CCDC148: variants seen among roughly 807,000 people sequenced by gnomAD.
CCDC148 encodes coiled-coil domain containing 148.
A neutral mutation model predicts 85.7 loss-of-function variants in CCDC148; 89 were observed. The observed-to-expected ratio is 1.04, with a 90% CI of 0.87 to 1.24. The LOEUF is 1.24. Ranked by LOEUF, CCDC148 falls within the 50% of genes most tolerant of loss-of-function variation. The probability of loss-of-function intolerance (pLI) is 0.00; values close to 1 mark genes in which losing one functional copy is unlikely to be tolerated. For synonymous variants in CCDC148, 230 were observed against 213.9 expected, an observed-to-expected ratio of 1.08 and a Z score of -0.66; for missense variants, 692 against 671.7, an observed-to-expected ratio of 1.03 and a Z score of -0.33.
intron 9 of CCDC148, among the ~76,000 whole-genome samples, chr2:158,261,415 C>T (rs1166713227): frequency 6.6e-6 from 1 of 151,954 alleles, no homozygotes; most frequent in Non-Finnish European, 1.5e-5. Flanking sequence ...CCATAAAATC[C>T]CTGGAAGACA....
At chr2:158,421,829 G>A (rs938263016) in intron 1 of CCDC148, among the ~76,000 whole-genome samples, 2 of 151,996 alleles carry the variant, frequency 1.3e-5, no homozygotes, top group African/African-American at 4.8e-5. Context: ...CAACAAAATT[G>A]ATAGACCACT....
intron 2 of CCDC148, among the ~76,000 whole-genome samples, chr2:158,357,014 A>T (rs1384403485): frequency 2.0e-5 from 3 of 149,284 alleles, no homozygotes; most frequent in African/African-American, 5.0e-5. Context: ...TCTCACTCAT[A>T]GGTGGGAACT....
intron 7 of CCDC148, among the ~76,000 whole-genome samples, chr2:158,321,188 A>C (rs1655593982): frequency 6.6e-6 from 1 of 152,198 alleles, no homozygotes; most frequent in African/African-American, 2.4e-5. Flanking sequence ...AAGAGTATAA[A>C]ACCATAAAGT....
At chr2:158,438,194 T>C (rs1021408734) in intron 1 of CCDC148, among the ~76,000 whole-genome samples, 3 of 152,136 alleles carry the variant, frequency 2.0e-5, no homozygotes, top group African/African-American at 2.4e-5. Context: ...AGAACAAAGC[T>C]GGAGGCATCA....
intron 1 of CCDC148, among the ~76,000 whole-genome samples, chr2:158,369,893 T>G (rs1684365808): frequency 6.6e-6 from 1 of 152,158 alleles, no homozygotes; most frequent in Non-Finnish European, 1.5e-5. Flanking sequence ...GATGTTGAAT[T>G]TTATCGAAGG....
At chr2:158,367,864 A>G (rs1398473315) in intron 1 of CCDC148, among the ~76,000 whole-genome samples, 1 of 152,170 alleles carries the variant, frequency 6.6e-6, no homozygotes, top group Non-Finnish European at 1.5e-5. Flanking sequence ...AACTGATTTC[A>G]TTGTAATGTT....
At chr2:158,371,003 T>C (rs1336757096) in intron 1 of CCDC148, among the ~76,000 whole-genome samples, 1 of 152,010 alleles carries the variant, frequency 6.6e-6, no homozygotes, top group African/African-American at 2.4e-5. Flanking sequence ...TACTACTTTA[T>C]GATTGAGCAT....
chr2:158,195,015 G>T (rs1018535802), intron 11 of CCDC148, among the ~76,000 whole-genome samples: 1 of 151,584 alleles, frequency 6.6e-6, no homozygotes, highest in East Asian at 1.9e-4. Flanking sequence ...TGCTTGTCTC[G>T]CTGGGATCAA....
chr2:158,221,904 G>A (rs950313729), intron 10 of CCDC148, among the ~76,000 whole-genome samples: 2 of 152,092 alleles, frequency 1.3e-5, no homozygotes, highest in Admixed American at 6.5e-5. Context: ...GAGAGAGAGG[G>A]TGGGTGCAGG....
intron 10 of CCDC148, among the ~76,000 whole-genome samples, chr2:158,238,141 T>G (rs1181637897): frequency 1.3e-5 from 2 of 151,994 alleles, no homozygotes. Context: ...GAAGAGGGCA[T>G]GTGGGATCAA....
At chr2:158,387,590 T>C (rs1243207311) in intron 1 of CCDC148, among the ~76,000 whole-genome samples, 1 of 152,090 alleles carries the variant, frequency 6.6e-6, no homozygotes, top group Non-Finnish European at 1.5e-5. Context: ...GCTACAATAT[T>C]CCATGGCAGA....
chr2:158,390,250 T>C (rs1685250139), intron 1 of CCDC148, among the ~76,000 whole-genome samples: 1 of 152,088 alleles, frequency 6.6e-6, no homozygotes, highest in Admixed American at 6.6e-5. Context: ...GGAAGGGGAT[T>C]CTCTGAGAAA....
chr2:158,257,587 CT>C (rs1246835439), intron 9 of CCDC148, among the ~76,000 whole-genome samples: 2 of 151,788 alleles, frequency 1.3e-5, no homozygotes, highest in Admixed American at 1.3e-4. Context: ...AAAATTTTGT[CT>C]TTATTCTTGG....
At chr2:158,357,730 T>C (rs1683734867) in intron 2 of CCDC148, among the ~76,000 whole-genome samples, 1 of 152,084 alleles carries the variant, frequency 6.6e-6, no homozygotes, top group Non-Finnish European at 1.5e-5. Flanking sequence ...TTTGAAATAA[T>C]AACAATTGCC....
intron 12 of CCDC148, among the ~76,000 whole-genome samples, chr2:158,177,400 C>T (rs1319147012): frequency 1.3e-5 from 2 of 151,988 alleles, no homozygotes; most frequent in East Asian, 3.9e-4. Flanking sequence ...TTCTTAATGC[C>T]ATTTAAAGAC....
chr2:158,346,828 C>T (rs1325786604), intron 2 of CCDC148, among the ~76,000 whole-genome samples: 1 of 152,162 alleles, frequency 6.6e-6, no homozygotes, highest in East Asian at 1.9e-4. Context: ...TTCCAGCCGT[C>T]ATTCACTGAT....
At chr2:158,430,738 G>A (rs1288110323) in intron 1 of CCDC148, among the ~76,000 whole-genome samples, 1 of 152,134 alleles carries the variant, frequency 6.6e-6, no homozygotes, top group South Asian at 2.1e-4. Flanking sequence ...TATCTATTAT[G>A]TATGAATTTT....
chr2:158,433,066 C>A (rs1334300159), intron 1 of CCDC148, among the ~76,000 whole-genome samples: 1 of 60,312 alleles, frequency 1.7e-5, no homozygotes. Context: ...GGCAAAACCT[C>A]ATCTCTACAA....
At chr2:158,447,032 T>G (rs1688183746) in intron 1 of CCDC148, 1 of 152,218 alleles carries the variant, frequency 6.6e-6, no homozygotes, top group African/African-American at 2.4e-5. Flanking sequence ...TTCCAATGTT[T>G]TGCTATTATT....
Sources: allele counts gnomAD v4.1 joint callset (sites outside exome capture counted in the v4.1 genomes callset), GRCh38; gene constraint gnomAD v4.1.1; transcripts MANE v1.5; gene names NCBI Gene and HGNC (gene_info 2026-07-23, HGNC 2026-07-21).